NSD1: variants seen among roughly 807,000 people sequenced by gnomAD.
NSD1 encodes nuclear receptor binding SET domain protein 1, also known as histone-lysine N-methyltransferase, H3 lysine-36 specific.
In NSD1, 26 loss-of-function variants were observed where a neutral mutation model predicts 242.7. The observed-to-expected ratio is 0.11, with a 90% CI of 0.08 to 0.15. NSD1 has a LOEUF of 0.15. Ranked by LOEUF, NSD1 falls within the 10% of genes least tolerant of loss-of-function variation. NSD1 has a pLI of 1.00. For synonymous variants in NSD1, 1,106 were observed against 1,178.1 expected (o/e 0.94, Z 1.25); for missense variants, 2,495 against 3,272.8 (o/e 0.76, Z 5.80).
intron 5 of NSD1, among the ~76,000 whole-genome samples, chr5:177,226,484 G>T (rs1045578379): frequency 1.3e-5 from 2 of 152,110 alleles, no homozygotes; most frequent in Non-Finnish European, 2.9e-5. Context: ...TGCTATCGAG[G>T]TTTATTTATT....
chr5:177,272,810 A>G (rs13175695), intron 16 of NSD1, among the ~76,000 whole-genome samples: 116,472 of 151,972 alleles, frequency 0.77, 45,961 homozygotes, highest in Middle Eastern at 0.9. Flanking sequence ...TTGAGCCCAT[A>G]AGGTCGAGGC....
intron 5 of NSD1, among the ~76,000 whole-genome samples, chr5:177,222,803 CAT>C (rs1764341366): frequency 6.6e-6 from 1 of 152,154 alleles, no homozygotes; most frequent in Admixed American, 6.5e-5. Flanking sequence ...TTGATACACA[CAT>C]ATTTTCTCCT....
chr5:177,148,220 C>G (rs1402772258), intron 2 of NSD1, among the ~76,000 whole-genome samples: 2 of 151,528 alleles, frequency 1.3e-5, no homozygotes, highest in Admixed American at 6.6e-5. Flanking sequence ...TGGGTTCAAG[C>G]GATTGTCCTT....
rs767963472 is a variant in NSD1, at chr5:177,135,317, C to T, written c.214C>T (p.Leu72=). ...AGATTCTCCATCTTGTTACATTCCA[C>T]TGCGGAGACTACAGGATTTGGCCTC... ...GQDSPSCYIP[L]RRLQDLASMI... The change falls in exon 2 of 23, where the codon CTG becomes TTG. Residue 72 remains leucine, a synonymous_variant. Coordinates refer to ENST00000439151, the MANE Select transcript of NSD1 (RefSeq NM_022455.5). The T allele has an allele frequency of 1.9e-6, 3 of 1,613,276 alleles. No homozygotes were observed. The highest frequency in any genetic ancestry group is 2.5e-6 in the Non-Finnish European group (3 of 1,179,234).
chr5:177,176,798 G>A (rs947089665), intron 2 of NSD1, among the ~76,000 whole-genome samples: 4 of 152,108 alleles, frequency 2.6e-5, no homozygotes, highest in Admixed American at 2.6e-4. Context: ...AAAAGCCTTT[G>A]GATTCTTTAG....
intron 2 of NSD1, among the ~76,000 whole-genome samples, chr5:177,139,600 G>A (rs1226486826): frequency 6.6e-6 from 1 of 152,168 alleles, no homozygotes; most frequent in Non-Finnish European, 1.5e-5. Context: ...GATATAGTAG[G>A]TATTGTTACT....
intron 2 of NSD1, among the ~76,000 whole-genome samples, chr5:177,155,388 A>G (rs891274187): frequency 6.6e-6 from 1 of 151,990 alleles, no homozygotes; most frequent in African/African-American, 2.4e-5. Flanking sequence ...TCGGCCTCCC[A>G]AAGTGCTGGG....
Position 177,273,715 on chromosome 5 carries a change from A to G in NSD1, c.5553A>G (p.Gln1851=), listed in dbSNP as rs757096414. Residue 1851 remains glutamine, a synonymous_variant, in exon 17 of 23, where the codon CAA becomes CAG. Coordinates refer to ENST00000439151, the MANE Select transcript of NSD1 (RefSeq NM_022455.5). ...CAAGGTTTGAGGAATTAAAGGCCCA[A>G]AAAGAGCTAAGACAGCTGCAGGAAG... The part of the protein sequence containing the change: ...AAARFEELKA[Q]KELRQLQEDR... The G allele has an allele frequency of 6.2e-7, 1 of 1,613,890 alleles. No individual in the cohort carries two copies. The highest frequency in any genetic ancestry group is 1.1e-5 in the South Asian group (1 of 91,082).
At chr5:177,242,085 A>ATGTG (rs143218417) in intron 8 of NSD1, among the ~76,000 whole-genome samples, 4 of 150,876 alleles carry the variant, frequency 2.7e-5, no homozygotes, top group African/African-American at 4.9e-5. Context: ...GTGTGTGTGC[A>ATGTG]TGTGTGTGTG....
chr5:177,294,733 G>A lies in NSD1; in HGVS notation c.7365G>A (p.Val2455=). ...NTQSKNRAAL[V]MDLIDLTPRQ... ...AGTCAAAAAATAGAGCTGCTTTGGT[G>A]ATGGATCTCATAGACCTAACTCCTC... Residue 2455 remains valine, a synonymous_variant, in exon 23 of 23, where the codon GTG becomes GTA. Coordinates refer to ENST00000439151, the MANE Select transcript of NSD1 (RefSeq NM_022455.5). The A allele has an allele frequency of 6.2e-7, 1 of 1,614,238 alleles. No homozygotes were observed. Among genetic ancestry groups the A allele is most frequent in the Non-Finnish European group, 8.5e-7 (1 of 1,180,044 alleles).
intron 2 of NSD1, among the ~76,000 whole-genome samples, chr5:177,151,947 G>A (rs547842842): frequency 5.9e-5 from 9 of 152,008 alleles, no homozygotes; most frequent in African/African-American, 2.2e-4. Context: ...TGAAAGCTCC[G>A]CCTCCCGGGT....
At chr5:177,268,220 C>T (rs1757666443) in intron 15 of NSD1, among the ~76,000 whole-genome samples, 1 of 150,678 alleles carries the variant, frequency 6.6e-6, no homozygotes, top group African/African-American at 2.4e-5. Context: ...GGGATCCTGC[C>T]GCCTCAGCCT....
In NSD1 at chr5:177,269,520, C is replaced by G. The variant is rs1014474232; in HGVS notation, c.5304-82C>G. On this transcript the variant is annotated intron_variant, in intron 15 of 22. Transcript: ENST00000439151. This position sits in a 1 kb window ranked among gnomAD's most constrained non-coding sequence, Gnocchi z 5.1. ...ATGTGGACAGACAGACATTGCTAAT[C>G]CTTACTTTTATATGAGTAGGTTATT... 3.3e-6 allele frequency: 4 copies of G among 1,226,656 alleles called. No individual in the cohort carries two copies. The highest frequency in any genetic ancestry group is 4.8e-6 in the Non-Finnish European group (4 of 840,646). 76.0% of individuals were successfully genotyped at this position (1,226,656 alleles called of 1,614,324 possible).
chr5:177,235,638 C>T (rs549557580), intron 5 of NSD1, among the ~76,000 whole-genome samples, 183 bp from the exon 6 acceptor site: 2 of 152,198 alleles, frequency 1.3e-5, no homozygotes, highest in Non-Finnish European at 2.9e-5. Context: ...TTTGTCTCCC[C>T]CCAGCTCCTT....
intron 17 of NSD1, among the ~76,000 whole-genome samples, chr5:177,279,911 G>A (rs1463342303): frequency 4.7e-5 from 7 of 148,040 alleles, no homozygotes; most frequent in South Asian, 4.3e-4. Flanking sequence ...GCCACCAGGC[G>A]CGGCTGAAAT....
intron 2 of NSD1, among the ~76,000 whole-genome samples, chr5:177,168,739 G>A (rs1759447808): frequency 6.6e-6 from 1 of 152,158 alleles, no homozygotes; most frequent in South Asian, 2.1e-4. Context: ...GGGATTGCTG[G>A]CATGAGCCAC....
In NSD1 at chr5:177,295,576, C is replaced by T. The variant is rs1221648335; in HGVS notation, c.*117C>T. ...CACATCTGCCCCGAACACTTTCCCACTGTTATTCTTTCCTCATATCCCAAC... is the reference window on the plus strand; with the variant it reads ...CACATCTGCCCCGAACACTTTCCCATTGTTATTCTTTCCTCATATCCCAAC... On this transcript the variant is annotated 3_prime_UTR_variant, in exon 23 of 23. Coordinates refer to ENST00000439151, the MANE Select transcript of NSD1 (RefSeq NM_022455.5). This position sits in a 1 kb window ranked among gnomAD's most constrained non-coding sequence, Gnocchi z 4.3. 9.4e-6 allele frequency: 10 copies of T among 1,066,662 alleles called. No homozygotes were observed. Among genetic ancestry groups the T allele is most frequent in the Admixed American group, 8.0e-5 (4 of 50,272 alleles). The allele number at this position is 1,066,662 out of a possible 1,614,324, so 66.1% of individuals were successfully genotyped here.
chr5:177,261,236 ATTTTTTTTTT>A (rs10652091), intron 14 of NSD1, among the ~76,000 whole-genome samples: 5 of 74,750 alleles, frequency 6.7e-5, no homozygotes, highest in African/African-American at 1.4e-4. Flanking sequence ...TGCCCCACTA[ATTTTTTTTTT>A]TTTTTTTTTT....
intron 2 of NSD1, among the ~76,000 whole-genome samples, chr5:177,149,124 C>T (rs1306763089): frequency 1.3e-5 from 2 of 152,020 alleles, no homozygotes; most frequent in Non-Finnish European, 2.9e-5. Context: ...TGGCCGAGTG[C>T]TTCAGTTTCT....
Sources: gnomAD v4.1 joint callset for allele counts (sites outside exome capture counted in the v4.1 genomes callset) on GRCh38, gnomAD v4.1.1 for gene constraint, Gnocchi (gnomAD v3.1) non-coding constraint, MANE v1.5 for transcripts, NCBI Gene and HGNC (gene_info 2026-07-23, HGNC 2026-07-21) for gene names.